The following FAM135A variants were observed in gnomAD, a reference collection of about 807,000 sequenced individuals.
The protein encoded by FAM135A is protein FAM135A.
In FAM135A, 79 loss-of-function variants were observed where a neutral mutation model predicts 146.8. That is an observed-to-expected ratio of 0.54 (90% CI 0.45 to 0.65). The LOEUF is 0.65. Among genes scored for constraint, FAM135A ranks in the 30% least tolerant of loss-of-function variants. FAM135A has a pLI of 0.00. For synonymous variants in FAM135A, 562 were observed against 603.6 expected (o/e 0.93, Z 1.01); for missense variants, 1,623 against 1,758.2 (o/e 0.92, Z 1.38).
intron 5 of FAM135A, among the ~76,000 whole-genome samples, chr6:70,473,458 C>T (rs2128145502): frequency 6.6e-6 from 1 of 152,296 alleles, no homozygotes; most frequent in South Asian, 2.1e-4. Flanking sequence ...ACCATAAGTT[C>T]ATATCAGTAC....
rs1794182605 is a variant in FAM135A, at chr6:70,524,066, T to A, written c.1203T>A (p.Asp401Glu). ...TTGAATGTAGTGAATTAGATGGAGATCTCAATTCATTACCTATAATCTTTG... is the reference window on the plus strand; with the variant it reads ...TTGAATGTAGTGAATTAGATGGAGAACTCAATTCATTACCTATAATCTTTG... Reference protein sequence around the residue: ...LPIECSELDGDLNSLPIIFED... With the variant: ...LPIECSELDGELNSLPIIFED... The change falls in exon 14 of 22, where the codon GAT (aspartate) becomes GAA (glutamate). Residue 401 changes from aspartate (D) to glutamate (E), a missense_variant. Coordinates refer to ENST00000418814, the MANE Select transcript of FAM135A (RefSeq NM_001162529.3). The A allele has an allele frequency of 6.2e-7, 1 of 1,612,082 alleles. No individual in the cohort carries two copies. Among genetic ancestry groups the A allele is most frequent in the Admixed American group, 1.7e-5 (1 of 59,734 alleles).
At chr6:70,495,857 A>AACTCCC (rs1301132504) in intron 11 of FAM135A, among the ~76,000 whole-genome samples, 1 of 152,058 alleles carries the variant, frequency 6.6e-6, no homozygotes, top group Non-Finnish European at 1.5e-5. Context: ...CTCATTGTTC[A>AACTCCC]ACTCCCACTT....
intron 14 of FAM135A, 61 bp downstream of exon 14, chr6:70,524,182 A>G (rs1256439496): frequency 6.7e-7 from 1 of 1,485,780 alleles, no homozygotes. Flanking sequence ...TATTCTTCCT[A>G]ATATACATAA....
rs181746555 is a variant in FAM135A at position 70,512,814 on chromosome 6, C to A, written c.1030-9699C>A. ...GACTAAGTACAATTTATCTTTTTTT[C>A]TTTTATGTTTAGTACTTTTGTGTCC... On this transcript the variant is annotated intron_variant, in intron 12 of 21. Coordinates refer to ENST00000418814, the MANE Select transcript of FAM135A (RefSeq NM_001162529.3). 9.5e-3 allele frequency among the ~76,000 whole-genome samples: 1,443 copies of A among 151,356 alleles called. 7 individuals carry two copies. Among genetic ancestry groups the A allele is most frequent in the Non-Finnish European group, 0.016 (1,058 of 67,606 alleles).
intron 4 of FAM135A, among the ~76,000 whole-genome samples, chr6:70,436,428 G>A (rs1022899297): frequency 3.3e-5 from 5 of 151,968 alleles, no homozygotes; most frequent in Non-Finnish European, 7.4e-5. Flanking sequence ...GTCAGCTATC[G>A]GAATATAAAT....
chr6:70,510,391 A>G (rs748442925), intron 12 of FAM135A, among the ~76,000 whole-genome samples: 7 of 152,062 alleles, frequency 4.6e-5, no homozygotes, highest in African/African-American at 7.2e-5. Context: ...CCTCTGTCTT[A>G]TTCCAAGACA....
intron 5 of FAM135A, among the ~76,000 whole-genome samples, chr6:70,457,768 C>T (rs1042390327): frequency 2.0e-5 from 3 of 152,084 alleles, no homozygotes; most frequent in African/African-American, 7.2e-5. Context: ...AGAAATATTA[C>T]ATATAATTAA....
intron 20 of FAM135A, among the ~76,000 whole-genome samples, chr6:70,544,321 C>G (rs1798460508): frequency 6.6e-6 from 1 of 151,732 alleles, no homozygotes; most frequent in Admixed American, 6.6e-5. Context: ...GGCAGATCAC[C>G]TAAGGTTGGG....
intron 12 of FAM135A, among the ~76,000 whole-genome samples, chr6:70,508,753 T>C (rs117637562): frequency 6.6e-6 from 1 of 152,284 alleles, no homozygotes; most frequent in Non-Finnish European, 1.5e-5. Flanking sequence ...ATACATAGGG[T>C]TGCCAGATGA....
intron 12 of FAM135A, among the ~76,000 whole-genome samples, chr6:70,506,753 ATT>A: frequency 7.9e-6 from 1 of 125,972 alleles, no homozygotes; most frequent in South Asian, 2.5e-4. Context: ...TTTTTTTTTA[ATT>A]TTTATGTTTT....
chr6:70,438,599 T>C (rs1320406084), intron 4 of FAM135A, among the ~76,000 whole-genome samples: 2 of 152,200 alleles, frequency 1.3e-5, no homozygotes, highest in Non-Finnish European at 2.9e-5. Context: ...GTAACCCTTA[T>C]GTTATTTAAT....
At chr6:70,528,256 TC>T in intron 15 of FAM135A, 35 bp from the exon 16 acceptor site, 3 of 1,561,392 alleles carry the variant, frequency 1.9e-6, no homozygotes, top group Non-Finnish European at 2.6e-6. Context: ...CTGAATATGA[TC>T]CTTAGTAAAG....
intron 10 of FAM135A, 73 bp downstream of exon 10, chr6:70,482,227 C>T: frequency 2.7e-6 from 4 of 1,464,526 alleles, no homozygotes; most frequent in Non-Finnish European, 3.7e-6. Flanking sequence ...TAGCTATCAG[C>T]TTTGCCATAG....
intron 12 of FAM135A, among the ~76,000 whole-genome samples, chr6:70,508,554 G>A (rs1790303419): frequency 6.6e-6 from 1 of 152,200 alleles, no homozygotes; most frequent in Non-Finnish European, 1.5e-5. Context: ...TCAGTTTGCA[G>A]ATCAGAGAGC....
chr6:70,464,658 C>CTTTCTTTTTTT (rs1460241786), intron 5 of FAM135A, among the ~76,000 whole-genome samples: 1 of 100,452 alleles, frequency 1.0e-5, no homozygotes, highest in African/African-American at 3.8e-5. Context: ...TTCTTTCTTT[C>CTTTCTTTTTTT]TTTTTTTTCT....
chr6:70,541,009 T>C (rs1020200789), intron 20 of FAM135A, among the ~76,000 whole-genome samples: 1 of 152,254 alleles, frequency 6.6e-6, no homozygotes, highest in African/African-American at 2.4e-5. Flanking sequence ...TTCAAGACAT[T>C]TCTTTCTACC....
intron 2 of FAM135A, among the ~76,000 whole-genome samples, chr6:70,425,884 A>C (rs1250115807): frequency 6.6e-6 from 1 of 151,742 alleles, no homozygotes; most frequent in African/African-American, 2.4e-5. Flanking sequence ...CGGGTGGATC[A>C]TGAGGTCAGG....
At chr6:70,456,083 C>T (rs1778311240) in intron 5 of FAM135A, among the ~76,000 whole-genome samples, 1 of 152,216 alleles carries the variant, frequency 6.6e-6, no homozygotes, top group Non-Finnish European at 1.5e-5. Context: ...ATCTCTTGAC[C>T]TTGTGGTCCA....
intron 12 of FAM135A, among the ~76,000 whole-genome samples, chr6:70,519,157 G>A (rs1212817766): frequency 1.3e-5 from 2 of 152,142 alleles, no homozygotes; most frequent in African/African-American, 4.8e-5. Flanking sequence ...ACCCTCATAG[G>A]TAACTTTGAA....
Sources: gnomAD v4.1 joint callset for allele counts (sites outside exome capture counted in the v4.1 genomes callset) on GRCh38, gnomAD v4.1.1 for gene constraint, MANE v1.5 for transcripts, NCBI Gene and HGNC (gene_info 2026-07-23, HGNC 2026-07-21) for gene names.